The following TTLL3 variants were observed in gnomAD, a reference collection of about 807,000 sequenced individuals.
TTLL3 encodes the protein tubulin tyrosine ligase like 3.
A neutral mutation model predicts 75.2 loss-of-function variants in TTLL3; 63 were observed. The ratio of observed to expected loss-of-function variants is 0.84; its 90% confidence interval spans 0.68 to 1.03. The LOEUF (loss-of-function observed/expected upper bound fraction) is 1.03, where lower values mean the gene tolerates loss of function less well. TTLL3 is among the 50% of genes least tolerant of loss of function. The pLI is 0.00. For missense variants in TTLL3, 997 were observed against 1,069.9 expected, an observed-to-expected ratio of 0.93 and a Z score of 0.95; for synonymous variants, 393 against 418.5, an observed-to-expected ratio of 0.94 and a Z score of 0.74.
At position 9,835,088 on chromosome 3, in the gene TTLL3, ACCGAGGCTCCTGCTCTCCTGTGCCT is replaced by A; in HGVS notation, c.2055_2079del (p.Ala687SerfsTer11). On this transcript the variant is annotated splice_acceptor_variant and splice_polypyrimidine_tract_variant and coding_sequence_variant and intron_variant, in exon 14 of 14. Coordinates refer to ENST00000685419, the MANE Select transcript of TTLL3 (RefSeq NM_001387446.1). LOFTEE classifies it high-confidence loss of function. ...TCTCCCTCTTCTCCCCTCCTTTCAC[ACCGAGGCTCCTGCTCTCCTGTGCCT>A]CCGAGGCCCCCAGCTGGAAGTGCCT... The A allele has an allele frequency of 6.9e-6, 11 of 1,601,166 alleles. No individual in the cohort carries two copies. In the African/African-American group the frequency reaches 1.1e-4, roughly 16 times the overall value.
At chr3:9,819,847 G>A in intron 7 of TTLL3, 1 of 985,428 alleles carries the variant, frequency 1.0e-6, no homozygotes, top group Non-Finnish European at 1.2e-6. Flanking sequence ...CCAGGATAAG[G>A]GGCACAAGGG....
chr3:9,821,082 A>G, intron 8 of TTLL3: 1 of 223,536 alleles, frequency 4.5e-6, no homozygotes, highest in Non-Finnish European at 8.6e-6. Context: ...CACTGGATTA[A>G]GCAGTTAAAG....
At chr3:9,830,430 T>C (rs1163961211) in intron 11 of TTLL3, among the ~76,000 whole-genome samples, 1 of 152,220 alleles carries the variant, frequency 6.6e-6, no homozygotes, top group Non-Finnish European at 1.5e-5. Context: ...ATAGAATTTC[T>C]TGTGGCAGTT....
intron 5 of TTLL3, 31 bp downstream of exon 5, chr3:9,816,233 C>T: frequency 7.5e-7 from 1 of 1,332,556 alleles, no homozygotes; most frequent in Non-Finnish European, 1.0e-6. Flanking sequence ...GGCAGGGCAG[C>T]TTCCGACCCC....
rs569448222 is a variant in TTLL3, at chr3:9,826,902, T to C, written c.1004-95T>C. 58 of 1,575,430 alleles carry C rather than the reference T, an allele frequency of 3.7e-5. No homozygotes were observed. In the East Asian group the frequency reaches 1.0e-3, roughly 27 times the overall value. On this transcript the variant is annotated intron_variant, in intron 9 of 13. Transcript: ENST00000685419. ...GGAGACAGCCTTACCCACTCAGCCC[T>C]ATCAGCTCCGAGGGGACAAGAGCTC...
chr3:9,828,928 C>T lies in TTLL3; in HGVS notation c.1248-32C>T, dbSNP rs375560435. ...AGTTTGGATGGGAGAGACACAAGGGCCTGGACCTCAGTTTTCTGTTCTCTG... is the reference window on the plus strand; with the variant it reads ...AGTTTGGATGGGAGAGACACAAGGGTCTGGACCTCAGTTTTCTGTTCTCTG... On this transcript the variant is annotated intron_variant, in intron 10 of 13. Transcript: ENST00000685419. 95 of 1,610,182 alleles carry T rather than the reference C, an allele frequency of 5.9e-5. No homozygotes were observed. In the Admixed American group the frequency reaches 8.8e-4, roughly 15 times the overall value.
Position 9,825,939 on chromosome 3 carries a change from C to T in TTLL3, c.994C>T (p.Arg332Cys), listed in dbSNP as rs768211105. The T allele has an allele frequency of 9.3e-6, 15 of 1,613,274 alleles. No individual in the cohort carries two copies. In the South Asian group the frequency reaches 1.2e-4, roughly 13 times the overall value. ...IWIVKPGAKS[R>C]GRGIMCMDHL... ...GATCGTGAAGCCAGGAGCCAAGTCC[C>T]GCGGACGAGGTGGGGGTCAGCTCCT... is the stretch of plus-strand genomic sequence containing the variant. Residue 332 changes from arginine (R) to cysteine (C), a missense_variant, in exon 9 of 14, where the codon CGC becomes TGC. Transcript: ENST00000685419.
intron 11 of TTLL3, 60 bp downstream of exon 11, chr3:9,829,455 T>C (rs2124956974): frequency 1.3e-6 from 2 of 1,527,278 alleles, no homozygotes; most frequent in Non-Finnish European, 1.8e-6. Flanking sequence ...CAGGCAGCCC[T>C]GCAGTGGAGC....
intron 6 of TTLL3, 103 bp downstream of exon 6, chr3:9,817,862 C>T (rs1233587943): frequency 6.9e-7 from 1 of 1,440,388 alleles, no homozygotes; most frequent in Admixed American, 2.1e-5. Flanking sequence ...ATGCCCTCAT[C>T]TGCCTGCCCC....
In TTLL3 at chr3:9,810,287, GC is replaced by G; in HGVS notation, c.-148del. The G allele has an allele frequency of 6.7e-7, 1 of 1,503,686 alleles. No individual in the cohort carries two copies. Among genetic ancestry groups the G allele is most frequent in the East Asian group, 2.7e-5 (1 of 37,418 alleles). 93.1% of individuals were successfully genotyped at this position (1,503,686 alleles called of 1,614,324 possible). A position where few individuals can be genotyped will look rare whatever the true frequency, so the allele number is the denominator to read the frequency against. On this transcript the variant is annotated 5_prime_UTR_variant, in exon 1 of 14. Transcript: ENST00000685419. This position sits in a 1 kb window ranked among gnomAD's most constrained non-coding sequence, Gnocchi z 4.4. ...AGCCCCGCCCCTGCGCGCCGCCTCA[GC>G]GGCGCCTTCAAGACGCTGGTCCCAG...
chr3:9,819,320 C>A, intron 7 of TTLL3: 2 of 221,080 alleles, frequency 9.0e-6, no homozygotes, highest in Non-Finnish European at 1.7e-5. Flanking sequence ...CATCTACTAC[C>A]TATCTGTTCT....
At chr3:9,817,378 C>T (rs1409168944) in intron 5 of TTLL3, 17 of 943,530 alleles carry the variant, frequency 1.8e-5, no homozygotes, top group African/African-American at 1.4e-4. Flanking sequence ...GAGCCGAGAT[C>T]GCGCCACTGC....
At position 9,835,229 on chromosome 3, in the gene TTLL3, C is replaced by A. The variant is rs773069988; in HGVS notation, c.2188C>A (p.Pro730Thr). The A allele has an allele frequency of 1.2e-5, 19 of 1,614,072 alleles. No individual in the cohort carries two copies. Among genetic ancestry groups the A allele is most frequent in the African/African-American group, 2.7e-5 (2 of 74,914 alleles). The change falls in exon 14 of 14, where the codon CCC becomes ACC. Residue 730 changes from proline (P) to threonine (T), a missense_variant. Physicochemically the swap from Pro to Thr is conservative, Grantham distance 38 (BLOSUM62 -1). Transcript: ENST00000685419. ...KANSRPDCDK[P>T]RAEACPMKRL... ...AAATTCAAGGCCAGACTGTGACAAA[C>A]CCAGGGCTGAGGCCTGCCCCATGAA... is the stretch of plus-strand genomic sequence containing the variant.
Position 9,823,300 on chromosome 3 carries a change from C to T in TTLL3, c.855-2500C>T, listed in dbSNP as rs181154625. On this transcript the variant is annotated intron_variant, in intron 8 of 13. Transcript: ENST00000685419. ...TCGGGAGGCTGAGGCAGGAGAATGGCGTGAACCCAGAAGGCGGAGCTTGCA... is the reference window on the plus strand; with the variant it reads ...TCGGGAGGCTGAGGCAGGAGAATGGTGTGAACCCAGAAGGCGGAGCTTGCA... Among the ~76,000 whole-genome samples, 438 of 151,856 alleles carry T rather than the reference C, an allele frequency of 2.9e-3. 5 individuals are homozygous for T. Among genetic ancestry groups the T allele is most frequent in the African/African-American group, 0.01 (433 of 41,430 alleles).
At chr3:9,817,946 G>A in intron 6 of TTLL3, 187 bp downstream of exon 6, 1 of 748,770 alleles carries the variant, frequency 1.3e-6, no homozygotes, top group Non-Finnish European at 2.1e-6. Flanking sequence ...TCTTAGCTTG[G>A]TCAACTCTGA....
At position 9,834,747 on chromosome 3, in the gene TTLL3, A is replaced by G. The variant is rs1374499776; in HGVS notation, c.1892A>G (p.Gln631Arg). The change falls in exon 13 of 14, where the codon CAG (glutamine) becomes CGG (arginine). Residue 631 changes from glutamine (Q) to arginine (R), a missense_variant. Transcript: ENST00000685419. ...CCTTCTCCCCATGTACTCCGACACC[A>G]GGGCCAGGTCCTCAGACGACAGCAC... is the stretch of plus-strand genomic sequence containing the variant. ...QLPSPHVLRH[Q>R]GQVLRRQHSK... 3 of 1,614,104 alleles carry G rather than the reference A, an allele frequency of 1.9e-6. No individual in the cohort carries two copies. In the Admixed American group the frequency reaches 5.0e-5, roughly 27 times the overall value.
rs372282373 is a variant in TTLL3, at chr3:9,816,064, G to C, written c.316-10G>C. 1 of 1,350,400 alleles carries C rather than the reference G, an allele frequency of 7.4e-7. No homozygotes were observed. The highest frequency in any genetic ancestry group is 9.9e-7 in the Non-Finnish European group (1 of 1,012,688). The allele number at this position is 1,350,400 out of a possible 1,614,324, so 83.7% of individuals were successfully genotyped here. On this transcript the variant is annotated splice_polypyrimidine_tract_variant and intron_variant, in intron 4 of 13. Transcript: ENST00000685419. ...GGCCTCTGTGTTTCTGTCTCCTCCTGTCTCCCCAGTCCCGCATGGTCCAGA... is the reference window on the plus strand; with the variant it reads ...GGCCTCTGTGTTTCTGTCTCCTCCTCTCTCCCCAGTCCCGCATGGTCCAGA...
chr3:9,827,507 A>G (rs559051144), intron 10 of TTLL3: 24 of 464,010 alleles, frequency 5.2e-5, no homozygotes, highest in South Asian at 3.2e-4. Flanking sequence ...TGCTCAAGCA[A>G]TCCTTCCTCC....
intron 6 of TTLL3, chr3:9,818,611 A>G (rs909036717): frequency 2.4e-5 from 32 of 1,354,912 alleles, no homozygotes; most frequent in African/African-American, 7.4e-5. Flanking sequence ...CTCATGATCC[A>G]TCCACCTCAG....
Sources: allele counts gnomAD v4.1 joint callset (sites outside exome capture counted in the v4.1 genomes callset), GRCh38; gene constraint gnomAD v4.1.1; non-coding constraint Gnocchi (gnomAD v3.1); transcripts MANE v1.5; gene names NCBI Gene and HGNC (gene_info 2026-07-23, HGNC 2026-07-21).